Variants in SPACDR observed in about 807,000 individuals in gnomAD.
SPACDR encodes the protein sperm acrosome developmental regulator.
the SPACDR span, among the ~76,000 whole-genome samples, chr7:100,462,160 G>T: frequency 6.6e-6 from 1 of 152,068 alleles, no homozygotes; most frequent in African/African-American, 2.4e-5. Flanking sequence ...CTTGTTCATT[G>T]TTGTATCTTT....
the SPACDR span, among the ~76,000 whole-genome samples, chr7:100,458,431 A>G: frequency 3.9e-5 from 6 of 152,258 alleles, no homozygotes; most frequent in African/African-American, 1.4e-4. Flanking sequence ...AAAGATACAG[A>G]ACATTTGCAT....
At chr7:100,463,240 CT>C in the SPACDR span, 1 of 784,964 alleles carries the variant, frequency 1.3e-6, no homozygotes, top group African/African-American at 1.7e-5. Flanking sequence ...TCCCAAAGTG[CT>C]GGGATTACAG....
the SPACDR span, chr7:100,463,732 G>A: frequency 3.5e-5 from 53 of 1,522,470 alleles, 1 homozygote; most frequent in African/African-American, 3.7e-4. Context: ...GAGGGGCAGG[G>A]CAGAGACAAC....
chr7:100,459,095 C>T, the SPACDR span, among the ~76,000 whole-genome samples: 1 of 150,594 alleles, frequency 6.6e-6, no homozygotes, highest in African/African-American at 2.4e-5. Context: ...GCTCCGCCTC[C>T]CGGGTTCACG....
the SPACDR span, chr7:100,464,071 T>C: frequency 1.7e-5 from 5 of 301,706 alleles, no homozygotes; most frequent in Admixed American, 9.7e-4. Context: ...AGCTAGCATT[T>C]GGTACGGTGG....
the SPACDR span, among the ~76,000 whole-genome samples, chr7:100,458,268 C>T: frequency 6.7e-6 from 1 of 149,800 alleles, no homozygotes; most frequent in East Asian, 2.0e-4. Context: ...ATCCAGTATG[C>T]AGGTTCATGT....
chr7:100,459,090 G>A, the SPACDR span, among the ~76,000 whole-genome samples: 2 of 134,994 alleles, frequency 1.5e-5, no homozygotes, highest in African/African-American at 2.8e-5. Context: ...TGCAAGCTCC[G>A]CCTCCCGGGT....
chr7:100,461,756 G>A, the SPACDR span, among the ~76,000 whole-genome samples: 4 of 151,882 alleles, frequency 2.6e-5, no homozygotes, highest in Admixed American at 1.3e-4. Flanking sequence ...TTGGGAGGCC[G>A]AGGCGGACAG....
the SPACDR span, among the ~76,000 whole-genome samples, chr7:100,459,850 T>C: frequency 6.6e-6 from 1 of 152,094 alleles, no homozygotes; most frequent in Non-Finnish European, 1.5e-5. Context: ...ATGGGTTGAT[T>C]TTGGCTATTA....
At chr7:100,459,328 G>A in the SPACDR span, among the ~76,000 whole-genome samples, 441 of 135,224 alleles carry the variant, frequency 3.3e-3, 1 homozygote, top group South Asian at 6.3e-3. Flanking sequence ...TTCAGGCAGA[G>A]TTTCACTTTT....
At chr7:100,458,647 C>T in the SPACDR span, among the ~76,000 whole-genome samples, 11 of 152,270 alleles carry the variant, frequency 7.2e-5, no homozygotes, top group South Asian at 6.2e-4. Context: ...TCCTTGAGGC[C>T]GGGCCCAGTG....
the SPACDR span, among the ~76,000 whole-genome samples, chr7:100,461,228 G>A: frequency 3.3e-5 from 5 of 151,998 alleles, no homozygotes; most frequent in East Asian, 9.7e-4. Context: ...GGATTACAGC[G>A]GTGCACCACC....
the SPACDR span, among the ~76,000 whole-genome samples, chr7:100,462,701 T>TG: frequency 1.3e-5 from 2 of 150,238 alleles, no homozygotes; most frequent in African/African-American, 4.9e-5. Flanking sequence ...TTTGTAGAAA[T>TG]GGGGTCTCAC....
the SPACDR span, chr7:100,463,575 A>G: frequency 1.9e-6 from 3 of 1,613,946 alleles, no homozygotes; most frequent in Middle Eastern, 1.6e-4. Flanking sequence ...AGCTCGACCA[A>G]CCTCAAAGTC....
At chr7:100,463,789 C>G in the SPACDR span, 1 of 1,258,462 alleles carries the variant, frequency 7.9e-7, no homozygotes, top group Non-Finnish European at 1.2e-6. Flanking sequence ...CAGTGAGTTT[C>G]CTGGCCTCTC....
chr7:100,462,548 G>A, the SPACDR span, among the ~76,000 whole-genome samples: 1 of 151,298 alleles, frequency 6.6e-6, no homozygotes, highest in Non-Finnish European at 1.5e-5. Context: ...ACAGAGTCTC[G>A]CTCTATTGCC....
At chr7:100,463,805 TCTC>T in the SPACDR span, 8 of 1,239,898 alleles carry the variant, frequency 6.5e-6, no homozygotes, top group Admixed American at 1.9e-5. Context: ...CTCTCTTCCT[TCTC>T]CTCCAGCCCC....
At chr7:100,463,585 C>G in the SPACDR span, 5 of 1,613,996 alleles carry the variant, frequency 3.1e-6, no homozygotes, top group Non-Finnish European at 2.5e-6. Flanking sequence ...ACCTCAAAGT[C>G]TCAACCACCT....
chr7:100,464,232 C>G, the SPACDR span: 13 of 1,442,564 alleles, frequency 9.0e-6, no homozygotes, highest in African/African-American at 1.9e-4. Context: ...TTCTCCCCTC[C>G]CTGGGACAGG....
Sources: allele counts gnomAD v4.1 joint callset (sites outside exome capture counted in the v4.1 genomes callset), GRCh38; gene constraint gnomAD v4.1.1; transcripts MANE v1.5; gene names NCBI Gene and HGNC (gene_info 2026-07-23, HGNC 2026-07-21).